The following ATP11A variants were observed in gnomAD, a reference collection of about 807,000 sequenced individuals.
ATP11A encodes ATPase phospholipid transporting 11A, also known as phospholipid-transporting ATPase IH.
In ATP11A, 81 loss-of-function variants were observed where a neutral mutation model predicts 154.4. The observed-to-expected ratio is 0.52, with a 90% CI of 0.44 to 0.63. The LOEUF is 0.63. Among genes scored for constraint, ATP11A ranks in the 30% least tolerant of loss-of-function variants. The pLI is 0.00. For synonymous variants in ATP11A, 623 were observed against 585.9 expected, an observed-to-expected ratio of 1.06 and a Z score of -0.91; for missense variants, 1,316 against 1,474.3, an observed-to-expected ratio of 0.89 and a Z score of 1.76.
At position 112,851,176 on chromosome 13, in the gene ATP11A, A is replaced by T; in HGVS notation, c.1949A>T (p.Glu650Val). Reference protein sequence around the residue: ...KKLAEAYEQIEKDLTLLGATA... With the variant: ...KKLAEAYEQIVKDLTLLGATA... ...TTAGCAGAAGCCTATGAGCAAATAGAGAAAGATCTTACTCTGCTTGGTGCT... is the reference window on the plus strand; with the variant it reads ...TTAGCAGAAGCCTATGAGCAAATAGTGAAAGATCTTACTCTGCTTGGTGCT... The change falls in exon 18 of 30, where the codon GAG becomes GTG. Residue 650 changes from glutamate to valine, a missense_variant. Coordinates refer to ENST00000375645, the MANE Select transcript of ATP11A (RefSeq NM_015205.3). 6.2e-7 allele frequency: 1 copy of T among 1,614,208 alleles called. No homozygotes were observed.
chr13:112,878,522 CTCCCTCA>C, intron 29 of ATP11A: 2 of 600,646 alleles, frequency 3.3e-6, no homozygotes, highest in Non-Finnish European at 5.9e-6. Context: ...ACCAGGGTTT[CTCCCTCA>C]GCGTCCGTGC....
intron 16 of ATP11A, 76 bp from the exon 17 acceptor site, chr13:112,842,200 A>G (rs972323046): frequency 4.9e-6 from 6 of 1,227,608 alleles, no homozygotes; most frequent in Non-Finnish European, 7.0e-6. Flanking sequence ...TTGTTTTTTA[A>G]TAATGGCATA....
At chr13:112,846,748 C>T (rs1444983836) in intron 17 of ATP11A, among the ~76,000 whole-genome samples, 1 of 152,154 alleles carries the variant, frequency 6.6e-6, no homozygotes, top group African/African-American at 2.4e-5. Flanking sequence ...GTATCGTGGT[C>T]CTCCTGGAGA....
At chr13:112,847,199 G>T (rs946601530) in intron 17 of ATP11A, among the ~76,000 whole-genome samples, 2 of 152,294 alleles carry the variant, frequency 1.3e-5, no homozygotes, top group Non-Finnish European at 1.5e-5. Context: ...ATTTTATTTT[G>T]AAATAATTAC....
intron 1 of ATP11A, among the ~76,000 whole-genome samples, chr13:112,712,691 A>G (rs1466757174): frequency 2.0e-5 from 3 of 152,216 alleles, no homozygotes; most frequent in Non-Finnish European, 4.4e-5. Context: ...CCTGTTTCCA[A>G]GGTGTGGCTC....
At chr13:112,880,385 C>A in intron 29 of ATP11A, 1 of 488,282 alleles carries the variant, frequency 2.0e-6, no homozygotes, top group Non-Finnish European at 3.0e-6. Flanking sequence ...CAAGACGCCC[C>A]AAGCCCTCGC....
At chr13:112,798,352 A>G (rs1280508805) in intron 2 of ATP11A, among the ~76,000 whole-genome samples, 1 of 152,260 alleles carries the variant, frequency 6.6e-6, no homozygotes, top group Non-Finnish European at 1.5e-5. Flanking sequence ...AGACGGGTTT[A>G]GAACTTCTGG....
At chr13:112,787,054 T>A (rs74757065) in intron 2 of ATP11A, among the ~76,000 whole-genome samples, 1 of 48,372 alleles carries the variant, frequency 2.1e-5, no homozygotes, top group Non-Finnish European at 3.8e-5. Flanking sequence ...CCTACTTAAT[T>A]CACACCGGGT....
intron 1 of ATP11A, among the ~76,000 whole-genome samples, chr13:112,716,315 A>C (rs1594393286): frequency 6.6e-6 from 1 of 152,246 alleles, no homozygotes; most frequent in East Asian, 1.9e-4. Flanking sequence ...CTCTGCTCCG[A>C]CAGCTGTGGG....
chr13:112,795,623 T>C (rs930217331), intron 2 of ATP11A, among the ~76,000 whole-genome samples: 1 of 152,264 alleles, frequency 6.6e-6, no homozygotes, highest in East Asian at 1.9e-4. Context: ...CTGAGTGATG[T>C]ATTATAGAAA....
chr13:112,876,016 A>G, intron 28 of ATP11A, 75 bp downstream of exon 28: 2 of 1,509,946 alleles, frequency 1.3e-6, no homozygotes, highest in South Asian at 1.2e-5. Context: ...CCGTTTTGAA[A>G]GACAGTGTGA....
In ATP11A at chr13:112,886,878, TA is replaced by T. The variant is rs1207117221; in HGVS notation, c.*5015del. On this transcript the variant is annotated 3_prime_UTR_variant, in exon 30 of 30. Transcript: ENST00000375645. ...CATCATAAATACTGGAGTTTATTTT[TA>T]AATTATTAAACATAGTAGGTGCATT... 3 of 152,392 alleles carry T rather than the reference TA, an allele frequency of 2.0e-5. No homozygotes were observed. The highest frequency in any genetic ancestry group is 4.4e-5 in the Non-Finnish European group (3 of 68,044). 9.4% of individuals were successfully genotyped at this position (152,392 alleles called of 1,614,324 possible). A position where few individuals can be genotyped will look rare whatever the true frequency, so the allele number is the denominator to read the frequency against.
intron 17 of ATP11A, among the ~76,000 whole-genome samples, chr13:112,850,404 C>T (rs1312164660): frequency 6.6e-6 from 1 of 152,234 alleles, no homozygotes; most frequent in Non-Finnish European, 1.5e-5. Context: ...TGTGTGGCTG[C>T]TTCAGCCTCT....
chr13:112,782,967 C>G (rs2077536226), intron 1 of ATP11A, among the ~76,000 whole-genome samples: 1 of 152,248 alleles, frequency 6.6e-6, no homozygotes, highest in South Asian at 2.1e-4. Flanking sequence ...CTCAGCCAAA[C>G]ATCTCTGAAA....
intron 29 of ATP11A, 50 bp from the exon 30 acceptor site, chr13:112,881,826 C>T (rs942277969): frequency 2.0e-5 from 27 of 1,367,598 alleles, no homozygotes; most frequent in Non-Finnish European, 2.6e-5. Context: ...AATGGGTGCG[C>T]ACAGCCTCGG....
intron 24 of ATP11A, among the ~76,000 whole-genome samples, chr13:112,861,531 A>G (rs1269653740): frequency 6.6e-6 from 1 of 152,214 alleles, no homozygotes; most frequent in African/African-American, 2.4e-5. Flanking sequence ...TGTGTGTTCA[A>G]TTCTGTGCAG....
rs139226295 is a variant in ATP11A at position 112,842,367 on chromosome 13, G to C, written c.1797G>C (p.Glu599Asp). The C allele has an allele frequency of 6.2e-7, 1 of 1,605,614 alleles. No individual in the cohort carries two copies. Among genetic ancestry groups the C allele is most frequent in the East Asian group, 2.2e-5 (1 of 44,762 alleles). The part of the protein sequence containing the change: ...GKVDQIRARV[E>D]RNAVEGLRTL... ...TTGACCAGATCCGAGCCAGAGTGGA[G>C]CGTAACGCAGTGGTGAGAGCCGGGC... The change falls in exon 17 of 30, where the codon GAG becomes GAC. Residue 599 changes from glutamate (E) to aspartate (D), a missense_variant. Glu to Asp is a conservative substitution (Grantham distance 45). This residue lies in a region of ATP11A where 876 missense variants were observed against 1,006.8 expected (regional missense o/e 0.87). Transcript: ENST00000375645.
chr13:112,759,095 A>G (rs1261098506), intron 1 of ATP11A, among the ~76,000 whole-genome samples: 1 of 152,260 alleles, frequency 6.6e-6, no homozygotes, highest in African/African-American at 2.4e-5. Context: ...GGGTATAGAA[A>G]TTCATCCATT....
Position 112,867,115 on chromosome 13 carries a change from G to A in ATP11A, c.2991+4540G>A, listed in dbSNP as rs116576815. On this transcript the variant is annotated intron_variant, in intron 25 of 29. Transcript: ENST00000375645. ...AGCACTGAGATTCCAGGCTCCTGGC[G>A]GCTGCCAATGGCAATAGCAAGTCCC... is the stretch of plus-strand genomic sequence containing the variant. 2.6e-4 allele frequency among the ~76,000 whole-genome samples: 39 copies of A among 152,268 alleles called. 1 individual carries two copies. Among genetic ancestry groups the A allele is most frequent in the Non-Finnish European group, 2.8e-4 (19 of 68,016 alleles).
Sources: allele counts gnomAD v4.1 joint callset (sites outside exome capture counted in the v4.1 genomes callset), GRCh38; gene constraint gnomAD v4.1.1; regional missense constraint gnomAD v4.1.1; transcripts MANE v1.5; gene names NCBI Gene and HGNC (gene_info 2026-07-23, HGNC 2026-07-21).